Variants in DHX30 observed in about 807,000 individuals in gnomAD.
The protein encoded by DHX30 is DExH-box helicase 30.
DHX30 carries 4 observed loss-of-function variants against 116.9 expected under a neutral mutation model. That is an observed-to-expected ratio of 0.03 (90% CI 0.02 to 0.08). The LOEUF is 0.08. Among genes scored for constraint, DHX30 ranks in the 10% least tolerant of loss-of-function variants. The probability of loss-of-function intolerance (pLI) is 1.00; values close to 1 mark genes in which losing one functional copy is unlikely to be tolerated. For synonymous variants in DHX30, 697 were observed against 651.7 expected (o/e 1.07, Z -1.06); for missense variants, 871 against 1,595.1 (o/e 0.55, Z 7.73).
chr3:47,849,331 C>T lies in DHX30; in HGVS notation c.3069C>T (p.Leu1023=). 1 of 1,612,730 alleles carries T rather than the reference C, an allele frequency of 6.2e-7. No individual in the cohort carries two copies. The highest frequency in any genetic ancestry group is 1.1e-5 in the South Asian group (1 of 91,010). The change falls in exon 19 of 22, where the codon CTC becomes CTT. Residue 1023 remains leucine, a synonymous_variant. Coordinates refer to ENST00000445061, the MANE Select transcript of DHX30 (RefSeq NM_138615.3). The part of the protein sequence containing the change: ...ELVKGVLMAG[L]YPNLIQVRQG... The stretch of plus-strand genomic sequence containing the variant: ...TGAAGGGCGTGCTGATGGCCGGCCT[C>T]TACCCCAACCTCATCCAGGTGCTGC...
Position 47,846,993 on chromosome 3 carries a change from C to T in DHX30, c.1921C>T (p.His641Tyr). Residue 641 changes from histidine (H) to tyrosine (Y), a missense_variant, in exon 11 of 22, where the codon CAC becomes TAC. Transcript: ENST00000445061. The part of the protein sequence containing the change: ...GKHQYLHRHR[H>Y]HESEDECALD... ...GCACCAGTACCTGCACCGGCACCGG[C>T]ACCATGAGGTGAGGGACACCCCCAT... The T allele has an allele frequency of 6.2e-7, 1 of 1,610,238 alleles. No individual in the cohort carries two copies.
chr3:47,833,739 T>C (rs2036976019), intron 6 of DHX30, among the ~76,000 whole-genome samples: 1 of 151,512 alleles, frequency 6.6e-6, no homozygotes, highest in African/African-American at 2.4e-5. Context: ...ATGCCTGTAG[T>C]CCCAGCTACT....
At chr3:47,832,883 C>T (rs531916791) in intron 6 of DHX30, among the ~76,000 whole-genome samples, 119 of 151,820 alleles carry the variant, frequency 7.8e-4, no homozygotes, top group African/African-American at 2.7e-3. Context: ...AAGCAGTCTG[C>T]CTGCCTTGGC....
intron 1 of DHX30, 95 bp downstream of exon 1, chr3:47,803,307 G>A (rs961537306): frequency 2.6e-6 from 1 of 386,088 alleles, no homozygotes; most frequent in Non-Finnish European, 4.6e-6. Context: ...CGGTCCGACC[G>A]CCAGCCTGGC....
intron 2 of DHX30, 44 bp downstream of exon 2, chr3:47,805,464 C>T: frequency 2.5e-6 from 1 of 398,960 alleles, no homozygotes; most frequent in Non-Finnish European, 4.4e-6. Context: ...GGATCTGATG[C>T]TCAGCTGTAC....
intron 4 of DHX30, among the ~76,000 whole-genome samples, chr3:47,818,808 G>A (rs2036168344): frequency 6.6e-6 from 1 of 152,112 alleles, no homozygotes; most frequent in Non-Finnish European, 1.5e-5. Flanking sequence ...GCCTGCTAAG[G>A]CCAGTGCTCC....
At chr3:47,842,300 T>G (rs779556890) in intron 8 of DHX30, 4 of 153,446 alleles carry the variant, frequency 2.6e-5, no homozygotes, top group Non-Finnish European at 5.8e-5. Flanking sequence ...CAAAGGAGCC[T>G]AATTAACTGA....
chr3:47,805,447 C>G (rs901870748), intron 2 of DHX30, 27 bp downstream of exon 2: 1 of 398,872 alleles, frequency 2.5e-6, no homozygotes, highest in African/African-American at 2.1e-5. Context: ...GTGCACAGAG[C>G]AGTGGTGGAT....
chr3:47,823,953 T>C (rs2107001887), intron 4 of DHX30, among the ~76,000 whole-genome samples: 1 of 151,874 alleles, frequency 6.6e-6, no homozygotes, highest in South Asian at 2.1e-4. Context: ...CCTTTCTGTC[T>C]AGACTGTTGT....
At chr3:47,829,307 TATATATA>T (rs1281320374) in intron 6 of DHX30, among the ~76,000 whole-genome samples, 173 bp downstream of exon 6, 1 of 36,934 alleles carries the variant, frequency 2.7e-5, no homozygotes, top group Non-Finnish European at 6.9e-5. Context: ...TATATATATA[TATATATA>T]TTTTTTTTTT....
At chr3:47,805,172 T>TG (rs1180876834) in intron 1 of DHX30, among the ~76,000 whole-genome samples, 154 bp from the exon 2 acceptor site, 2 of 152,186 alleles carry the variant, frequency 1.3e-5, no homozygotes, top group African/African-American at 4.8e-5. Flanking sequence ...GAATGGGTCA[T>TG]GGTAAGTCCT....
chr3:47,810,664 G>A lies in DHX30; in HGVS notation c.-20G>A. 2 of 1,613,974 alleles carry A rather than the reference G, an allele frequency of 1.2e-6. No individual in the cohort carries two copies. Among genetic ancestry groups the A allele is most frequent in the East Asian group, 2.2e-5 (1 of 44,878 alleles). ...GGCCCTCCTTGTTCTCAGGATTCCAGCTTTCCCTCCTGGCCAGAAATGTTC... is the reference window on the plus strand; with the variant it reads ...GGCCCTCCTTGTTCTCAGGATTCCAACTTTCCCTCCTGGCCAGAAATGTTC... On this transcript the variant is annotated 5_prime_UTR_variant, in exon 3 of 22. Coordinates refer to ENST00000445061, the MANE Select transcript of DHX30 (RefSeq NM_138615.3).
At chr3:47,842,801 A>G in intron 8 of DHX30, 1 of 276,994 alleles carries the variant, frequency 3.6e-6, no homozygotes. Context: ...TGACAGCTTC[A>G]ACCCACAGCT....
At chr3:47,820,931 ATTTC>A (rs2036267740) in intron 4 of DHX30, among the ~76,000 whole-genome samples, 1 of 131,522 alleles carries the variant, frequency 7.6e-6, no homozygotes, top group Non-Finnish European at 1.7e-5. Flanking sequence ...CCTTTGTTTT[ATTTC>A]TTCTTTCTAT....
At chr3:47,805,279 T>A (rs1401902681) in intron 1 of DHX30, 47 bp from the exon 2 acceptor site, 3 of 398,804 alleles carry the variant, frequency 7.5e-6, no homozygotes, top group Non-Finnish European at 1.3e-5. Context: ...GCAACTTTCT[T>A]TCCCTATGGG....
rs372317320 is a variant in DHX30, at chr3:47,827,045, G to A, written c.125-302G>A. Among the ~76,000 whole-genome samples, 260 of 152,260 alleles carry A rather than the reference G, an allele frequency of 1.7e-3. 4 individuals are homozygous for A. The South Asian group carries it at 0.046, about 27-fold the overall frequency. Reference sequence around the variant, plus strand: ...ACTGGGGGGTTTATTGACCAACCAGGCTTTTGTAGGTGATGTATGAAATGA... The same window carrying A: ...ACTGGGGGGTTTATTGACCAACCAGACTTTTGTAGGTGATGTATGAAATGA... On this transcript the variant is annotated intron_variant, in intron 4 of 21. Coordinates refer to ENST00000445061, the MANE Select transcript of DHX30 (RefSeq NM_138615.3).
intron 19 of DHX30, 49 bp downstream of exon 19, chr3:47,849,398 C>A: frequency 1.3e-6 from 2 of 1,584,438 alleles, no homozygotes; most frequent in Non-Finnish European, 8.6e-7. Flanking sequence ...AGCCTCCTTC[C>A]CTGTCTGCAG....
At chr3:47,816,131 A>G in intron 3 of DHX30, 1 of 983,894 alleles carries the variant, frequency 1.0e-6, no homozygotes. Context: ...AACTCTATGT[A>G]TGTTTTCTGT....
At position 47,810,649 on chromosome 3, in the gene DHX30, G is replaced by C; in HGVS notation, c.-27-8G>C. 6.2e-7 allele frequency: 1 copy of C among 1,613,268 alleles called. No individual in the cohort carries two copies. The highest frequency in any genetic ancestry group is 8.5e-7 in the Non-Finnish European group (1 of 1,179,306). Reference sequence around the variant, plus strand: ...TAACCATTGCCTCTTGGCCCTCCTTGTTCTCAGGATTCCAGCTTTCCCTCC... The same window carrying C: ...TAACCATTGCCTCTTGGCCCTCCTTCTTCTCAGGATTCCAGCTTTCCCTCC... On this transcript the variant is annotated splice_region_variant and splice_polypyrimidine_tract_variant and intron_variant, in intron 2 of 21. Transcript: ENST00000445061.
Sources: gnomAD v4.1 joint callset for allele counts (sites outside exome capture counted in the v4.1 genomes callset) on GRCh38, gnomAD v4.1.1 for gene constraint, MANE v1.5 for transcripts, NCBI Gene and HGNC (gene_info 2026-07-23, HGNC 2026-07-21) for gene names.